The following STPG2 variants were observed in gnomAD, a reference collection of about 807,000 sequenced individuals.
STPG2 encodes sperm tail PG-rich repeat containing 2.
A neutral mutation model predicts 54.2 loss-of-function variants in STPG2; 56 were observed. The ratio of observed to expected loss-of-function variants is 1.03; its 90% CI spans 0.83 to 1.29. STPG2 has a LOEUF of 1.29. Ranked by LOEUF, STPG2 falls within the 50% of genes most tolerant of loss-of-function variation. The probability of loss-of-function intolerance (pLI) is 0.00; values close to 1 mark genes in which losing one functional copy is unlikely to be tolerated. For missense variants in STPG2, 596 were observed against 544.9 expected, an observed-to-expected ratio of 1.09 and a Z score of -0.93; for synonymous variants, 200 against 181.8, an observed-to-expected ratio of 1.10 and a Z score of -0.81.
chr4:97,485,874 C>A (rs1017935603), intron 4 of STPG2, among the ~76,000 whole-genome samples: 4 of 151,520 alleles, frequency 2.6e-5, no homozygotes, highest in African/African-American at 9.7e-5. Flanking sequence ...AATAGAGAAC[C>A]CAGAAATAAA....
chr4:98,111,179 C>T (rs1578175037), intron 3 of STPG2, among the ~76,000 whole-genome samples: 1 of 151,846 alleles, frequency 6.6e-6, no homozygotes, highest in African/African-American at 2.4e-5. Context: ...CTCAGCTGAA[C>T]CCTCTTAACA....
intron 9 of STPG2, among the ~76,000 whole-genome samples, chr4:97,833,634 T>C (rs1456454156): frequency 1.3e-5 from 2 of 151,978 alleles, no homozygotes; most frequent in South Asian, 2.1e-4. Context: ...ATCCAGAATC[T>C]ACAAATAACT....
chr4:97,527,315 CA>C (rs1386831805), intron 4 of STPG2, among the ~76,000 whole-genome samples: 1 of 152,148 alleles, frequency 6.6e-6, no homozygotes, highest in African/African-American at 2.4e-5. Context: ...CATGTCCCTG[CA>C]AAGGACATGA....
At chr4:97,926,769 GAA>G (rs1373248554) in intron 8 of STPG2, among the ~76,000 whole-genome samples, 1 of 152,004 alleles carries the variant, frequency 6.6e-6, no homozygotes, top group African/African-American at 2.4e-5. Context: ...ATAGAATGAT[GAA>G]AAGAGACATG....
chr4:97,458,159 G>A (rs2148805037), intron 4 of STPG2, among the ~76,000 whole-genome samples: 1 of 152,260 alleles, frequency 6.6e-6, no homozygotes, highest in Middle Eastern at 3.4e-3. Context: ...GCTCCTAAGT[G>A]TATTTGATCT....
chr4:97,698,425 T>C (rs1051795693), intron 10 of STPG2, among the ~76,000 whole-genome samples: 1 of 152,206 alleles, frequency 6.6e-6, no homozygotes, highest in African/African-American at 2.4e-5. Context: ...CTTAGCCTGT[T>C]GACTTAAAGG....
intron 9 of STPG2, among the ~76,000 whole-genome samples, chr4:97,820,805 TA>T (rs1728063169): frequency 6.6e-6 from 1 of 151,938 alleles, no homozygotes; most frequent in Non-Finnish European, 1.5e-5. Flanking sequence ...CCACACACTT[TA>T]AAAAACCAGA....
At chr4:98,081,696 AG>A (rs1351172102) in intron 5 of STPG2, among the ~76,000 whole-genome samples, 6 of 152,188 alleles carry the variant, frequency 3.9e-5, no homozygotes, top group Admixed American at 3.9e-4. Context: ...CTTTGCCAGC[AG>A]GGCAAGATTC....
chr4:98,114,565 C>T (rs1417934926), intron 3 of STPG2, among the ~76,000 whole-genome samples: 1 of 151,972 alleles, frequency 6.6e-6, no homozygotes, highest in Admixed American at 6.6e-5. Context: ...TTTGTATTAA[C>T]TCTTTTAATG....
rs70953077 is a variant in STPG2, at chr4:97,616,057, A to AATATATATATAT, written c.1321-56952_1321-56941dup. ...GTCTCAAAAAAAAAAAATACATATA[A>AATATATATATAT]ATATATATATATATATATATATATA... is the stretch of plus-strand genomic sequence containing the variant. On this transcript the variant is annotated intron_variant, in intron 10 of 10. Coordinates refer to ENST00000295268, the MANE Select transcript of STPG2 (RefSeq NM_174952.3). Among the ~76,000 whole-genome samples the AATATATATATAT allele has an allele frequency of 8.5e-3, 317 of 37,318 alleles. 8 individuals are homozygous for AATATATATATAT. The highest frequency in any genetic ancestry group is 0.01 in the Non-Finnish European group (200 of 19,958). 24.5% of individuals were successfully genotyped at this position (37,318 alleles called of 152,430 possible).
chr4:97,595,070 T>C (rs560118602), intron 10 of STPG2, among the ~76,000 whole-genome samples: 1 of 152,290 alleles, frequency 6.6e-6, no homozygotes, highest in African/African-American at 2.4e-5. Flanking sequence ...GACCTAGAAA[T>C]ACCATTTGAC....
intron 3 of STPG2, among the ~76,000 whole-genome samples, chr4:98,111,995 G>A (rs1431441037): frequency 6.6e-6 from 1 of 151,884 alleles, no homozygotes; most frequent in African/African-American, 2.4e-5. Flanking sequence ...ATCAGCTCCC[G>A]TGGTTCTCAG....
intron 5 of STPG2, among the ~76,000 whole-genome samples, chr4:97,994,938 G>A (rs369293602): frequency 9.9e-5 from 15 of 152,190 alleles, no homozygotes; most frequent in East Asian, 7.7e-4. Flanking sequence ...AGAGTTAGGC[G>A]TGTCTGAGCT....
chr4:97,810,383 G>T (rs1020547327), intron 9 of STPG2, among the ~76,000 whole-genome samples: 3 of 150,560 alleles, frequency 2.0e-5, no homozygotes, highest in Non-Finnish European at 4.4e-5. Flanking sequence ...AGAATCGCTT[G>T]AACCCGGGGG....
chr4:97,668,730 A>G (rs1232981181), intron 10 of STPG2, among the ~76,000 whole-genome samples: 3 of 146,440 alleles, frequency 2.0e-5, no homozygotes, highest in Non-Finnish European at 3.0e-5. Flanking sequence ...ATTAAAGTTG[A>G]TATCAGGATT....
chr4:98,113,899 G>A (rs1198862145), intron 3 of STPG2, among the ~76,000 whole-genome samples: 2 of 152,010 alleles, frequency 1.3e-5, no homozygotes, highest in Non-Finnish European at 2.9e-5. Context: ...AAGGCATTGG[G>A]TTTGGTGGGT....
At chr4:97,967,531 C>G (rs551088933) in intron 7 of STPG2, among the ~76,000 whole-genome samples, 1 of 152,132 alleles carries the variant, frequency 6.6e-6, no homozygotes, top group Non-Finnish European at 1.5e-5. Flanking sequence ...ACAGAACTCT[C>G]CACCCCAAAT....
chr4:97,927,583 C>T (rs986509888), intron 8 of STPG2, among the ~76,000 whole-genome samples: 5 of 151,976 alleles, frequency 3.3e-5, no homozygotes, highest in Non-Finnish European at 7.4e-5. Context: ...CATCCGAGAT[C>T]TTTATGCTTA....
At chr4:97,722,638 T>C (rs963593666) in intron 9 of STPG2, among the ~76,000 whole-genome samples, 3 of 152,130 alleles carry the variant, frequency 2.0e-5, no homozygotes, top group Non-Finnish European at 2.9e-5. Context: ...CATGAGTCTT[T>C]CTGGAATAAG....
Sources: allele counts gnomAD v4.1 joint callset (sites outside exome capture counted in the v4.1 genomes callset), GRCh38; gene constraint gnomAD v4.1.1; transcripts MANE v1.5; gene names NCBI Gene and HGNC (gene_info 2026-07-23, HGNC 2026-07-21).